RAET1E: variants seen among roughly 807,000 people sequenced by gnomAD.
The protein encoded by RAET1E is retinoic acid early transcript 1E.
In RAET1E, 27 loss-of-function variants were observed where a neutral mutation model predicts 21.1. The observed-to-expected ratio is 1.28, with a 90% CI of 0.94 to 1.76. The LOEUF is 1.76. RAET1E is among the 40% of genes most tolerant of loss of function. RAET1E has a pLI of 0.00. For missense variants in RAET1E, 310 were observed against 311.3 expected (o/e 1.00, Z 0.03); for synonymous variants, 113 against 115.0 (o/e 0.98, Z 0.11).
At chr6:149,890,475 C>G (rs1417811648) in intron 3 of RAET1E, among the ~76,000 whole-genome samples, 1 of 152,152 alleles carries the variant, frequency 6.6e-6, no homozygotes, top group Admixed American at 6.5e-5. Context: ...GACTTAAACT[C>G]TAGCTGAACA....
At chr6:149,897,217 T>G (rs955507821) in intron 1 of RAET1E, among the ~76,000 whole-genome samples, 2 of 151,986 alleles carry the variant, frequency 1.3e-5, no homozygotes, top group Admixed American at 6.5e-5. Context: ...ATTTTTGGTG[T>G]GGAGATGGGG....
Position 149,885,433 on chromosome 6 carries a change from T to C in RAET1E, c.*3065A>G, listed in dbSNP as rs946752881. ...AGGTCGTGAATGCCCAGGCGATAAA[T>C]GAAATTCACCTCATCTTATGTCTAT... is the stretch of plus-strand genomic sequence containing the variant. On this transcript the variant is annotated 3_prime_UTR_variant, in exon 6 of 6. Transcript: ENST00000357183. Among the ~76,000 whole-genome samples, 1 of 152,152 alleles carries C rather than the reference T, an allele frequency of 6.6e-6. No homozygotes were observed. Among genetic ancestry groups the C allele is most frequent in the African/African-American group, 2.4e-5 (1 of 41,428 alleles).
rs892006253 is a variant in RAET1E, at chr6:149,888,126, T to C, written c.*372A>G. On this transcript the variant is annotated 3_prime_UTR_variant, in exon 6 of 6. Transcript: ENST00000357183. ...CCACATCTTGTATGTTATCTGGGAGTAAATGCTGCAGCCACAAGCGCCACC... is the reference window on the plus strand; with the variant it reads ...CCACATCTTGTATGTTATCTGGGAGCAAATGCTGCAGCCACAAGCGCCACC... 7.9e-6 allele frequency: 4 copies of C among 509,018 alleles called. No homozygotes were observed. The highest frequency in any genetic ancestry group is 1.5e-5 in the Non-Finnish European group (4 of 260,584). The allele number at this position is 509,018 out of a possible 1,614,324, so 31.5% of individuals were successfully genotyped here.
intron 2 of RAET1E, among the ~76,000 whole-genome samples, chr6:149,892,294 C>T: frequency 6.6e-6 from 1 of 152,218 alleles, no homozygotes; most frequent in Admixed American, 6.5e-5. Context: ...CTGTCTTCCA[C>T]AATGTTTGAA....
chr6:149,891,555 A>G (rs1455279876), intron 2 of RAET1E, among the ~76,000 whole-genome samples: 2 of 152,024 alleles, frequency 1.3e-5, no homozygotes, highest in South Asian at 2.1e-4. Flanking sequence ...AGTGTCTACT[A>G]CATGTATCAG....
chr6:149,884,436 T>G lies in RAET1E; in HGVS notation c.*4062A>C, dbSNP rs10440890. 3,627 of 1,519,978 alleles carry G rather than the reference T, an allele frequency of 2.4e-3. 70 individuals carry two copies. In the African/African-American group the frequency reaches 0.043, roughly 18 times the overall value. 94.2% of individuals were successfully genotyped at this position (1,519,978 alleles called of 1,614,324 possible). ...CACACAGCAGTGGGAGCCAAGGCTGTCAGCGATCGAGGACCACAGGTGAAC... is the reference window on the plus strand; with the variant it reads ...CACACAGCAGTGGGAGCCAAGGCTGGCAGCGATCGAGGACCACAGGTGAAC... On this transcript the variant is annotated 3_prime_UTR_variant, in exon 6 of 6. Coordinates refer to ENST00000357183, the MANE Select transcript of RAET1E (RefSeq NM_001394057.1).
intron 2 of RAET1E, among the ~76,000 whole-genome samples, chr6:149,892,169 C>T (rs981025880): frequency 4.6e-5 from 7 of 152,188 alleles, no homozygotes; most frequent in African/African-American, 7.2e-5. Context: ...AATAAACATA[C>T]GTGTGCGTGT....
intron 1 of RAET1E, among the ~76,000 whole-genome samples, chr6:149,897,517 G>A (rs1303160737): frequency 6.6e-6 from 1 of 152,158 alleles, no homozygotes; most frequent in Non-Finnish European, 1.5e-5. Flanking sequence ...CAGCCTTTTT[G>A]TGGCAGTGTG....
In RAET1E at chr6:149,889,908, A is replaced by G; in HGVS notation, c.323T>C (p.Ile108Thr). 2 of 1,613,402 alleles carry G rather than the reference A, an allele frequency of 1.2e-6. No homozygotes were observed. The highest frequency in any genetic ancestry group is 8.5e-7 in the Non-Finnish European group (1 of 1,179,718). ...ACCACTGGTCTTTATCTGGGGTTTG[A>G]TGTCACAAAGGAGCATCCTGAGGTC... ...GRDLRMLLCD[I>T]KPQIKTSDPS... The change falls in exon 4 of 6, where the codon ATC becomes ACC. Residue 108 changes from isoleucine to threonine, a missense_variant. Transcript: ENST00000357183.
chr6:149,897,284 C>A (rs1378067942), intron 1 of RAET1E, among the ~76,000 whole-genome samples: 2 of 152,086 alleles, frequency 1.3e-5, no homozygotes, highest in Non-Finnish European at 2.9e-5. Flanking sequence ...ATCCTCCCCC[C>A]TCAGCCTCCC....
At chr6:149,892,969 T>TC (rs1777970972) in intron 2 of RAET1E, among the ~76,000 whole-genome samples, 3 of 152,356 alleles carry the variant, frequency 2.0e-5, no homozygotes, top group South Asian at 4.1e-4. Flanking sequence ...GGGGATCTTT[T>TC]CCCCATTGCT....
At chr6:149,891,949 A>T (rs9371542) in intron 2 of RAET1E, among the ~76,000 whole-genome samples, 62,633 of 151,504 alleles carry the variant, frequency 0.41, 13,791 homozygotes, top group East Asian at 0.88. Flanking sequence ...TCATTGGTCA[A>T]CTCTCACCTA....
Position 149,889,948 on chromosome 6 carries a change from C to A in RAET1E, c.283G>T (p.Gly95Ter). The change falls in exon 4 of 6, where the codon GGA becomes TGA. Residue 95 changes from glycine (G) to a stop codon, truncating the protein, a stop_gained. Coordinates refer to ENST00000357183, the MANE Select transcript of RAET1E (RefSeq NM_001394057.1). LOFTEE classifies it high-confidence loss of function. Reference sequence around the variant, plus strand: ...ATCCTGAGGTCTCGCCCCACTTCTCCCAGCGTTTGGGTCAATTCTCCCCAA... The same window carrying A: ...ATCCTGAGGTCTCGCCCCACTTCTCACAGCGTTTGGGTCAATTCTCCCCAA... ...STWGELTQTL[G>*]EVGRDLRMLL... The A allele has an allele frequency of 6.2e-7, 1 of 1,614,108 alleles. No individual in the cohort carries two copies. Among genetic ancestry groups the A allele is most frequent in the African/African-American group, 1.3e-5 (1 of 75,002 alleles).
intron 3 of RAET1E, 144 bp from the exon 4 acceptor site, chr6:149,890,289 T>TC (rs982023011): frequency 1.3e-6 from 1 of 796,716 alleles, no homozygotes; most frequent in African/African-American, 1.7e-5. Context: ...ACCTTCTGGA[T>TC]CCCTGTTCCC....
At chr6:149,893,833 T>C (rs1582777917) in intron 2 of RAET1E, among the ~76,000 whole-genome samples, 1 of 152,210 alleles carries the variant, frequency 6.6e-6, no homozygotes, top group Non-Finnish European at 1.5e-5. Flanking sequence ...ATATTGGCTG[T>C]GGGTTTGTCA....
At chr6:149,889,805 C>T (rs1777795986) in intron 4 of RAET1E, 80 bp downstream of exon 4, 19 of 1,541,052 alleles carry the variant, frequency 1.2e-5, no homozygotes, top group Non-Finnish European at 1.7e-5. Flanking sequence ...ACAGATATAC[C>T]TAAAGCCCCT....
chr6:149,890,981 G>T lies in RAET1E; in HGVS notation c.-80C>A. On this transcript the variant is annotated 5_prime_UTR_variant, in exon 3 of 6. In the 5' UTR this introduces an upstream ATG that the reference lacks. Transcript: ENST00000357183. ...TATGGTGAAGAAATGTTATCCAACA[G>T]CGTGGGTGTGGGCACTGCCCAAATT... is the stretch of plus-strand genomic sequence containing the variant. The T allele has an allele frequency of 9.5e-7, 1 of 1,053,914 alleles. No individual in the cohort carries two copies. The highest frequency in any genetic ancestry group is 1.5e-6 in the Non-Finnish European group (1 of 685,426). 65.3% of individuals were successfully genotyped at this position (1,053,914 alleles called of 1,614,324 possible).
chr6:149,889,965 T>C lies in RAET1E; in HGVS notation c.266A>G (p.Glu89Gly). 6.2e-7 allele frequency: 1 copy of C among 1,613,950 alleles called. No homozygotes were observed. The highest frequency in any genetic ancestry group is 8.5e-7 in the Non-Finnish European group (1 of 1,179,982). Residue 89 changes from glutamate to glycine, a missense_variant, in exon 4 of 6, where the codon GAA becomes GGA. By Grantham distance (98) the Glu-to-Gly change is moderately conservative. Coordinates refer to ENST00000357183, the MANE Select transcript of RAET1E (RefSeq NM_001394057.1). The stretch of plus-strand genomic sequence containing the variant: ...CACTTCTCCCAGCGTTTGGGTCAAT[T>C]CTCCCCAAGTGCTGGTGGCATATAC... The part of the protein sequence containing the change: ...KKVYATSTWG[E>G]LTQTLGEVGR...
At chr6:149,894,123 T>A (rs913203301) in intron 2 of RAET1E, among the ~76,000 whole-genome samples, 2 of 151,660 alleles carry the variant, frequency 1.3e-5, no homozygotes, top group Non-Finnish European at 2.9e-5. Context: ...TGCATCAATG[T>A]TCATTAGGGA....
Sources: gnomAD v4.1 joint callset for allele counts (sites outside exome capture counted in the v4.1 genomes callset) on GRCh38, gnomAD v4.1.1 for gene constraint, MANE v1.5 for transcripts, NCBI Gene and HGNC (gene_info 2026-07-23, HGNC 2026-07-21) for gene names.